The following CAST variants were observed in gnomAD, a reference collection of about 807,000 sequenced individuals.
CAST encodes MIR583 host.
In CAST, 76 loss-of-function variants were observed where a neutral mutation model predicts 119.6. The observed-to-expected ratio is 0.64, with a 90% CI of 0.53 to 0.77. The LOEUF (loss-of-function observed/expected upper bound fraction) is 0.77. Among genes scored for constraint, CAST ranks in the 30% least tolerant of loss-of-function variants. The probability of loss-of-function intolerance (pLI) is 0.00; values close to 1 mark genes in which losing one functional copy is unlikely to be tolerated. For missense variants in CAST, 953 were observed against 946.5 expected (o/e 1.01, Z -0.09); for synonymous variants, 319 against 331.6 (o/e 0.96, Z 0.41).
the CAST span, among the ~76,000 whole-genome samples, chr5:96,217,289 C>T: frequency 2.7e-5 from 4 of 146,834 alleles, no homozygotes; most frequent in Admixed American, 7.2e-5. Flanking sequence ...GATCCTTCTG[C>T]CTCAGCCTCC....
chr5:96,534,741 GAAAGAAAGAAAGAAAGAAAGAA>G (rs1470248412), intron 1 of CAST, among the ~76,000 whole-genome samples: 1 of 9,196 alleles, frequency 1.1e-4, no homozygotes, highest in African/African-American at 3.0e-4. Context: ...GAGAGAGAGA[GAAAGAAAGAAAGAAAGAAAGAA>G]AGAAAGAAAG....
At chr5:96,379,448 T>C in the CAST span, 1 of 152,172 alleles carries the variant, frequency 6.6e-6, no homozygotes, top group Non-Finnish European at 1.5e-5. Context: ...CACTGTAGCA[T>C]AGGAGAAATA....
At chr5:96,240,983 A>T in the CAST span, among the ~76,000 whole-genome samples, 1 of 152,042 alleles carries the variant, frequency 6.6e-6, no homozygotes, top group African/African-American at 2.4e-5. Context: ...CTAATATCAG[A>T]ATGTATAATA....
chr5:96,540,687 T>A (rs1379689264), intron 1 of CAST, among the ~76,000 whole-genome samples: 1 of 152,264 alleles, frequency 6.6e-6, no homozygotes, highest in Non-Finnish European at 1.5e-5. Context: ...TGATACTACA[T>A]AACTTGTGGT....
At chr5:96,427,687 G>C in the CAST span, among the ~76,000 whole-genome samples, 3 of 152,250 alleles carry the variant, frequency 2.0e-5, no homozygotes, top group South Asian at 6.2e-4. Flanking sequence ...ATAACAGTTA[G>C]GTATGCTCTA....
the CAST span, among the ~76,000 whole-genome samples, chr5:96,491,527 T>TAAAAAAAAAAAAAAAAAAAAAAAAA: frequency 2.8e-5 from 3 of 106,094 alleles, no homozygotes; most frequent in Non-Finnish European, 2.0e-5. Context: ...AAAAAAAAAT[T>TAAAAAAAAAAAAAAAAAAAAAAAAA]AAAAAGACCA....
At chr5:96,635,849 A>G (rs1204378340) in intron 1 of CAST, among the ~76,000 whole-genome samples, 2 of 152,220 alleles carry the variant, frequency 1.3e-5, no homozygotes, top group African/African-American at 2.4e-5. Flanking sequence ...CTCACAATAG[A>G]TAAATTTAGA....
the CAST span, chr5:96,410,991 A>T: frequency 2.3e-5 from 37 of 1,604,750 alleles, 1 homozygote; most frequent in South Asian, 4.1e-4. Flanking sequence ...TCTCCCCTAA[A>T]GGAAAAGCCA....
At chr5:96,124,093 A>G in the CAST span, among the ~76,000 whole-genome samples, 1 of 152,172 alleles carries the variant, frequency 6.6e-6, no homozygotes, top group African/African-American at 2.4e-5. Context: ...AATCATCCCA[A>G]TCATTAAGGC....
chr5:96,280,985 A>G, the CAST span, among the ~76,000 whole-genome samples: 1 of 152,222 alleles, frequency 6.6e-6, no homozygotes, highest in Non-Finnish European at 1.5e-5. Flanking sequence ...GTTTAAAATA[A>G]TAGAAACAAT....
At chr5:96,085,563 G>A in the CAST span, among the ~76,000 whole-genome samples, 1 of 152,210 alleles carries the variant, frequency 6.6e-6, no homozygotes. Context: ...TAAGAACTGA[G>A]GTTGTAAATA....
chr5:96,169,685 G>A, the CAST span, among the ~76,000 whole-genome samples: 1 of 152,084 alleles, frequency 6.6e-6, no homozygotes, highest in Non-Finnish European at 1.5e-5. Flanking sequence ...GGTAAGGGGT[G>A]CATGATCGGT....
the CAST span, among the ~76,000 whole-genome samples, chr5:96,312,503 C>A: frequency 6.6e-6 from 1 of 152,028 alleles, no homozygotes; most frequent in Non-Finnish European, 1.5e-5. Flanking sequence ...ATTTTACATC[C>A]CAACACCAAG....
chr5:96,132,152 C>A, the CAST span, among the ~76,000 whole-genome samples: 1 of 151,946 alleles, frequency 6.6e-6, no homozygotes, highest in Non-Finnish European at 1.5e-5. Context: ...TTAACAGAAG[C>A]AGTGTCAATG....
the CAST span, among the ~76,000 whole-genome samples, chr5:96,489,977 G>T: frequency 6.6e-4 from 101 of 152,356 alleles, no homozygotes; most frequent in African/African-American, 2.3e-3. Context: ...TAGTAATGAA[G>T]AGGATAATGC....
chr5:96,451,457 T>C, the CAST span, among the ~76,000 whole-genome samples: 2 of 152,176 alleles, frequency 1.3e-5, no homozygotes, highest in Non-Finnish European at 2.9e-5. Context: ...AAACTGAAAC[T>C]GGACCCCTTC....
the CAST span, among the ~76,000 whole-genome samples, chr5:96,251,540 A>C: frequency 6.6e-6 from 1 of 152,188 alleles, no homozygotes; most frequent in Non-Finnish European, 1.5e-5. Flanking sequence ...AAACCAAAGA[A>C]AATGCATGCT....
chr5:95,994,159 T>A, the CAST span, among the ~76,000 whole-genome samples: 1 of 152,242 alleles, frequency 6.6e-6, no homozygotes, highest in Admixed American at 6.5e-5. Context: ...ACTCTCCTAT[T>A]TTGTAGGTAT....
chr5:96,409,830 C>T, the CAST span, among the ~76,000 whole-genome samples: 1 of 152,220 alleles, frequency 6.6e-6, no homozygotes, highest in African/African-American at 2.4e-5. Flanking sequence ...CAGGCCCACA[C>T]TTCTAAGTTG....
Sources: allele counts gnomAD v4.1 joint callset (sites outside exome capture counted in the v4.1 genomes callset), GRCh38; gene constraint gnomAD v4.1.1; transcripts MANE v1.5; gene names NCBI Gene and HGNC (gene_info 2026-07-23, HGNC 2026-07-21).